Variants in NECAB1 observed in about 807,000 individuals in gnomAD.
The protein encoded by NECAB1 is N-terminal EF-hand calcium-binding protein 1.
In NECAB1, 29 loss-of-function variants were observed where a neutral mutation model predicts 57.5. That is an observed-to-expected ratio of 0.50 (90% CI 0.38 to 0.69). The LOEUF is 0.69. Among genes scored for constraint, NECAB1 ranks in the 30% least tolerant of loss-of-function variants. NECAB1 has a pLI of 0.00. For missense variants in NECAB1, 372 were observed against 413.8 expected (o/e 0.90, Z 0.88); for synonymous variants, 142 against 147.7 (o/e 0.96, Z 0.28).
chr8:90,934,330 A>C lies in NECAB1; in HGVS notation c.720A>C (p.Glu240Asp), dbSNP rs1338163010. ...KKDLKLEPPE[E>D]EIIEGNTKSH... ...ATCTCAAACTCGAACCACCAGAAGA[A>C]GAAATTATTGAAGGGAATACTAAAT... is the stretch of plus-strand genomic sequence containing the variant. Residue 240 changes from glutamate (E) to aspartate (D), a missense_variant, in exon 9 of 13, where the codon GAA (glutamate) becomes GAC (aspartate). Transcript: ENST00000417640. The C allele has an allele frequency of 6.6e-7, 1 of 1,517,664 alleles. No homozygotes were observed. The highest frequency in any genetic ancestry group is 1.3e-5 in the South Asian group (1 of 74,566). The allele number at this position is 1,517,664 out of a possible 1,614,324, so 94.0% of individuals were successfully genotyped here. A position where few individuals can be genotyped will look rare whatever the true frequency, so the allele number is the denominator to read the frequency against.
In NECAB1 at chr8:90,925,645, T is replaced by C. The variant is rs753453187; in HGVS notation, c.605T>C (p.Val202Ala). The change falls in exon 7 of 13, where the codon GTC (valine) becomes GCC (alanine). Residue 202 changes from valine (V) to alanine (A), a missense_variant. Physicochemically the swap from Val to Ala is moderately conservative, Grantham distance 64 (BLOSUM62 0). Coordinates refer to ENST00000417640, the MANE Select transcript of NECAB1 (RefSeq NM_022351.5). ...SFSPNSPQFN[V>A]SGPGLLEEDN... The stretch of plus-strand genomic sequence containing the variant: ...TCCCCAAACAGCCCTCAGTTTAATG[T>C]CAGCGGTCCAGGTAACATACCCTTC... 2 of 1,613,746 alleles carry C rather than the reference T, an allele frequency of 1.2e-6. No homozygotes were observed. Among genetic ancestry groups the C allele is most frequent in the African/African-American group, 2.7e-5 (2 of 74,942 alleles).
At chr8:90,945,489 C>A (rs1265568444) in intron 10 of NECAB1, among the ~76,000 whole-genome samples, 1 of 152,232 alleles carries the variant, frequency 6.6e-6, no homozygotes, top group East Asian at 1.9e-4. Flanking sequence ...AGTGAGCCAC[C>A]GTGCCCAGCC....
chr8:90,885,557 TTCA>T (rs1333491155), intron 5 of NECAB1, among the ~76,000 whole-genome samples: 3 of 152,234 alleles, frequency 2.0e-5, no homozygotes, highest in Non-Finnish European at 4.4e-5. Flanking sequence ...TCAGTTACTC[TTCA>T]TCACATCTTA....
At chr8:90,850,088 A>C (rs1469243198) in intron 3 of NECAB1, among the ~76,000 whole-genome samples, 1 of 152,194 alleles carries the variant, frequency 6.6e-6, no homozygotes, top group African/African-American at 2.4e-5. Flanking sequence ...CAGCAAGGAA[A>C]TTTCAAATCA....
chr8:90,800,878 AG>A (rs1811747031), intron 1 of NECAB1, among the ~76,000 whole-genome samples: 1 of 152,194 alleles, frequency 6.6e-6, no homozygotes, highest in African/African-American at 2.4e-5. Context: ...TGGAGCACCT[AG>A]GCCAAGCATG....
intron 2 of NECAB1, among the ~76,000 whole-genome samples, chr8:90,804,540 C>T (rs1811816589): frequency 6.6e-6 from 1 of 151,544 alleles, no homozygotes; most frequent in Non-Finnish European, 1.5e-5. Context: ...CAAGAAATCG[C>T]AAATATATGA....
intron 10 of NECAB1, among the ~76,000 whole-genome samples, chr8:90,947,407 T>TTTTC (rs1491569633): frequency 5.0e-5 from 2 of 39,752 alleles, no homozygotes; most frequent in African/African-American, 1.0e-3. Flanking sequence ...TTTTTTTTTC[T>TTTTC]TTTTTTTTTT....
chr8:90,928,294 A>G lies in NECAB1; in HGVS notation c.688A>G (p.Lys230Glu). 2.5e-6 allele frequency: 4 copies of G among 1,604,362 alleles called. No homozygotes were observed. Among genetic ancestry groups the G allele is most frequent in the Non-Finnish European group, 3.4e-6 (4 of 1,175,462 alleles). The change falls in exon 8 of 13, where the codon AAG (lysine) becomes GAG (glutamate). Residue 230 changes from lysine to glutamate, a missense_variant. Lys to Glu is a moderately conservative substitution (Grantham distance 56, BLOSUM62 1). Coordinates refer to ENST00000417640, the MANE Select transcript of NECAB1 (RefSeq NM_022351.5). ...RLQKLIDRLE[K>E]KDLKLEPPEE... Reference sequence around the variant, plus strand: ...CCAGAAATTAATTGATAGACTGGAAAAGAAGGTAGGTGCTTTCTTTTCTTT... The same window carrying G: ...CCAGAAATTAATTGATAGACTGGAAGAGAAGGTAGGTGCTTTCTTTTCTTT...
At chr8:90,807,562 C>T (rs1811871207) in intron 2 of NECAB1, among the ~76,000 whole-genome samples, 1 of 152,190 alleles carries the variant, frequency 6.6e-6, no homozygotes, top group Non-Finnish European at 1.5e-5. Context: ...CACCACCCCG[C>T]ACTGTGCTCT....
At chr8:90,917,840 C>CTATATATATATATATATA (rs34288387) in intron 6 of NECAB1, among the ~76,000 whole-genome samples, 60 of 47,268 alleles carry the variant, frequency 1.3e-3, no homozygotes, top group African/African-American at 1.9e-3. Flanking sequence ...ATTTAGTAAA[C>CTATATATATATATATATA]TATATATATA....
intron 5 of NECAB1, among the ~76,000 whole-genome samples, chr8:90,897,075 A>T (rs1032018594): frequency 1.9e-4 from 8 of 41,480 alleles, no homozygotes; most frequent in South Asian, 5.4e-4. Context: ...AAGAAAATTT[A>T]AAAAAAATAA....
In NECAB1 at chr8:90,959,178, T is replaced by A; in HGVS notation, c.*3666T>A. 1 of 421,624 alleles carries A rather than the reference T, an allele frequency of 2.4e-6. No individual in the cohort carries two copies. The allele number at this position is 421,624 out of a possible 1,614,324, so 26.1% of individuals were successfully genotyped here. ...GAAACTATTAAAGTAACTAGAACTG[T>A]CAAATAACAAAACGGCTCATGTTTT... On this transcript the variant is annotated 3_prime_UTR_variant, in exon 13 of 13. Coordinates refer to ENST00000417640, the MANE Select transcript of NECAB1 (RefSeq NM_022351.5).
intron 4 of NECAB1, among the ~76,000 whole-genome samples, chr8:90,872,959 T>A (rs1808645860): frequency 1.3e-5 from 2 of 152,294 alleles, no homozygotes; most frequent in East Asian, 3.9e-4. Context: ...CCTGAACATC[T>A]TCTAATTCTT....
intron 3 of NECAB1, among the ~76,000 whole-genome samples, chr8:90,868,429 G>A (rs922063338): frequency 1.3e-5 from 2 of 152,148 alleles, no homozygotes; most frequent in African/African-American, 4.8e-5. Flanking sequence ...TTGTTAAATG[G>A]TTGTTACCAA....
At chr8:90,835,457 T>G (rs765129079) in intron 3 of NECAB1, among the ~76,000 whole-genome samples, 1 of 152,098 alleles carries the variant, frequency 6.6e-6, no homozygotes, top group Non-Finnish European at 1.5e-5. Flanking sequence ...TTCCTTTCAT[T>G]GGACCACAAT....
In NECAB1 at chr8:90,801,708, CA is replaced by C; in HGVS notation, c.122del (p.Asn41MetfsTer60). On this transcript the variant is annotated frameshift_variant, in exon 2 of 13. Transcript: ENST00000417640. LOFTEE classifies it high-confidence loss of function. Reference protein sequence around the residue: ...IFLDILRRADKNDDGKLSFEE... With the variant: ...IFLDILRRADXNDDGKLSFEE... Reference sequence around the variant, plus strand: ...CTTTCCAGATACTGAGGAGAGCAGACAAAAATGGTAAGACCAAAAATCTACA... The same window carrying C: ...CTTTCCAGATACTGAGGAGAGCAGACAAAATGGTAAGACCAAAAATCTACA... 1 of 1,524,594 alleles carries C rather than the reference CA, an allele frequency of 6.6e-7. No homozygotes were observed. The highest frequency in any genetic ancestry group is 8.8e-7 in the Non-Finnish European group (1 of 1,130,870). 94.4% of individuals were successfully genotyped at this position (1,524,594 alleles called of 1,614,324 possible). A position where few individuals can be genotyped will look rare whatever the true frequency, so the allele number is the denominator to read the frequency against.
chr8:90,847,699 C>G (rs1304640764), intron 3 of NECAB1, among the ~76,000 whole-genome samples: 1 of 152,242 alleles, frequency 6.6e-6, no homozygotes, highest in Non-Finnish European at 1.5e-5. Flanking sequence ...TCTCTGCACC[C>G]ACAGGCCCAA....
intron 12 of NECAB1, among the ~76,000 whole-genome samples, chr8:90,954,819 T>G (rs959443943): frequency 9.4e-5 from 14 of 148,806 alleles, no homozygotes; most frequent in Admixed American, 2.7e-4. Context: ...TATATGTATA[T>G]TATATATTAT....
intron 12 of NECAB1, among the ~76,000 whole-genome samples, chr8:90,955,126 A>ATG (rs1811006613): frequency 7.7e-6 from 1 of 130,090 alleles, no homozygotes; most frequent in Admixed American, 7.7e-5. Flanking sequence ...ATATATATAT[A>ATG]TATATATATA....
Sources: gnomAD v4.1 joint callset for allele counts (sites outside exome capture counted in the v4.1 genomes callset) on GRCh38, gnomAD v4.1.1 for gene constraint, MANE v1.5 for transcripts, NCBI Gene and HGNC (gene_info 2026-07-23, HGNC 2026-07-21) for gene names.